SLCO1C1: variants seen among roughly 807,000 people sequenced by gnomAD.
SLCO1C1 encodes the protein OAT-RP-5.
In SLCO1C1, 70 loss-of-function variants were observed where a neutral mutation model predicts 76.4. The observed-to-expected ratio is 0.92, with a 90% CI of 0.76 to 1.12. The LOEUF (loss-of-function observed/expected upper bound fraction) is 1.12. SLCO1C1 is among the 50% of genes most tolerant of loss of function. The pLI, the probability that SLCO1C1 is intolerant of heterozygous loss-of-function variation, is 0.00. For synonymous variants in SLCO1C1, 306 were observed against 286.1 expected (o/e 1.07, Z -0.70); for missense variants, 912 against 823.8 (o/e 1.11, Z -1.31).
At chr12:20,713,518 G>T (rs954734839) in intron 5 of SLCO1C1, among the ~76,000 whole-genome samples, 1 of 152,180 alleles carries the variant, frequency 6.6e-6, no homozygotes, top group African/African-American at 2.4e-5. Context: ...CAGATACAGA[G>T]AATGACTCAT....
At chr12:20,726,673 C>A (rs560860194) in intron 9 of SLCO1C1, among the ~76,000 whole-genome samples, 4 of 151,662 alleles carry the variant, frequency 2.6e-5, no homozygotes, top group African/African-American at 7.3e-5. Context: ...TTCATTTTTT[C>A]TTTTGTCTTT....
chr12:20,728,221 C>A (rs1037248563), intron 9 of SLCO1C1, among the ~76,000 whole-genome samples: 3 of 152,056 alleles, frequency 2.0e-5, no homozygotes, highest in Non-Finnish European at 2.9e-5. Flanking sequence ...CAGTTTCATT[C>A]TTTTGCATAT....
At chr12:20,743,419 T>A in intron 13 of SLCO1C1, 50 bp downstream of exon 13, 1 of 1,428,572 alleles carries the variant, frequency 7.0e-7, no homozygotes, top group Non-Finnish European at 9.8e-7. Flanking sequence ...AAGTGTATTT[T>A]GAAGACTTTT....
chr12:20,713,772 G>A (rs772450453), intron 5 of SLCO1C1, among the ~76,000 whole-genome samples: 1 of 152,068 alleles, frequency 6.6e-6, no homozygotes, highest in Non-Finnish European at 1.5e-5. Flanking sequence ...GTGACTATTG[G>A]GTATTTGAAA....
chr12:20,752,098 G>T (rs1565553863), intron 14 of SLCO1C1, among the ~76,000 whole-genome samples: 1 of 152,102 alleles, frequency 6.6e-6, no homozygotes, highest in Non-Finnish European at 1.5e-5. Context: ...GTAATTAGTA[G>T]TAACTAAAAA....
intron 7 of SLCO1C1, among the ~76,000 whole-genome samples, chr12:20,721,438 T>A (rs774098305): frequency 2.6e-5 from 4 of 152,146 alleles, no homozygotes; most frequent in Non-Finnish European, 5.9e-5. Flanking sequence ...CTCAGATGAT[T>A]ATTAGCATTT....
chr12:20,742,628 G>A (rs1401228515), intron 12 of SLCO1C1, among the ~76,000 whole-genome samples: 2 of 152,014 alleles, frequency 1.3e-5, no homozygotes. Context: ...CCGCCTCTCG[G>A]GTTCACGCCA....
At chr12:20,734,617 G>A (rs895890664) in intron 10 of SLCO1C1, among the ~76,000 whole-genome samples, 3 of 152,282 alleles carry the variant, frequency 2.0e-5, no homozygotes, top group South Asian at 2.1e-4. Context: ...GAACACAGGC[G>A]TGACTCAAAG....
intron 14 of SLCO1C1, 118 bp from the exon 15 acceptor site, chr12:20,752,187 AT>A (rs1949337943): frequency 1.5e-6 from 1 of 652,104 alleles, no homozygotes; most frequent in Admixed American, 3.3e-5. Flanking sequence ...ACAGTCTTTT[AT>A]ATAAGCCACC....
At chr12:20,720,520 G>A (rs144348535) in intron 7 of SLCO1C1, among the ~76,000 whole-genome samples, 49 of 152,306 alleles carry the variant, frequency 3.2e-4, no homozygotes, top group African/African-American at 1.1e-3. Flanking sequence ...GCAATTCATA[G>A]GAGGAGGTCA....
chr12:20,752,302 C>T lies in SLCO1C1; in HGVS notation c.1917-4C>T. On this transcript the variant is annotated splice_polypyrimidine_tract_variant and splice_region_variant and intron_variant, in intron 14 of 14. Coordinates refer to ENST00000266509, the MANE Select transcript of SLCO1C1 (RefSeq NM_017435.5). Reference sequence around the variant, plus strand: ...ATTATAACAGAGATTCTCTCTTCTTCTAGACATATATATCTGGGACTAACT... The same window carrying T: ...ATTATAACAGAGATTCTCTCTTCTTTTAGACATATATATCTGGGACTAACT... 2 of 1,539,214 alleles carry T rather than the reference C, an allele frequency of 1.3e-6. No homozygotes were observed. The highest frequency in any genetic ancestry group is 1.8e-6 in the Non-Finnish European group (2 of 1,135,128).
chr12:20,701,391 C>T lies in SLCO1C1; in HGVS notation c.203C>T (p.Thr68Ile). 6.4e-7 allele frequency: 1 copy of T among 1,556,596 alleles called. No individual in the cohort carries two copies. The highest frequency in any genetic ancestry group is 1.2e-5 in the South Asian group (1 of 84,766). The change falls in exon 3 of 15, where the codon ACT becomes ATT. Residue 68 changes from threonine (T) to isoleucine (I), a missense_variant. Thr to Ile is a moderately conservative substitution (Grantham distance 89, BLOSUM62 -1). Transcript: ENST00000266509. Reference protein sequence around the residue: ...LAEGYLKSTITQIERRFDIPS... With the variant: ...LAEGYLKSTIIQIERRFDIPS... ...GAAGGCTATCTGAAGAGCACCATCACTCAGATAGAGAGAAGGTTTGATATC... is the reference window on the plus strand; with the variant it reads ...GAAGGCTATCTGAAGAGCACCATCATTCAGATAGAGAGAAGGTTTGATATC...
intron 4 of SLCO1C1, 73 bp downstream of exon 4, chr12:20,706,154 A>G: frequency 6.7e-7 from 1 of 1,493,036 alleles, no homozygotes; most frequent in South Asian, 1.4e-5. Context: ...ATGATTATTA[A>G]TTATGCAAAT....
intron 2 of SLCO1C1, among the ~76,000 whole-genome samples, chr12:20,700,844 A>C (rs1482755522): frequency 3.9e-5 from 6 of 152,092 alleles, no homozygotes; most frequent in African/African-American, 1.2e-4. Flanking sequence ...ACAAGGAATA[A>C]TAGTTGCACT....
chr12:20,744,302 G>A (rs1436824243), intron 13 of SLCO1C1, among the ~76,000 whole-genome samples: 1 of 151,998 alleles, frequency 6.6e-6, no homozygotes, highest in Non-Finnish European at 1.5e-5. Flanking sequence ...AGCCTACAGA[G>A]CAAAAATTGT....
intron 5 of SLCO1C1, among the ~76,000 whole-genome samples, chr12:20,713,691 C>G (rs949736203): frequency 1.3e-5 from 2 of 152,228 alleles, no homozygotes; most frequent in African/African-American, 2.4e-5. Flanking sequence ...GCAGAGCTGT[C>G]CACAGAACTA....
At chr12:20,734,045 C>T (rs1200994975) in intron 10 of SLCO1C1, among the ~76,000 whole-genome samples, 1 of 152,184 alleles carries the variant, frequency 6.6e-6, no homozygotes, top group Non-Finnish European at 1.5e-5. Context: ...GAAACTCTGC[C>T]TGTGGCTCAA....
chr12:20,745,306 C>T (rs1948990854), intron 13 of SLCO1C1, among the ~76,000 whole-genome samples: 1 of 151,948 alleles, frequency 6.6e-6, no homozygotes. Flanking sequence ...TTAACATAAG[C>T]ATACATTGGT....
At chr12:20,731,651 A>G (rs1181450595) in intron 9 of SLCO1C1, among the ~76,000 whole-genome samples, 1 of 152,244 alleles carries the variant, frequency 6.6e-6, no homozygotes, top group Non-Finnish European at 1.5e-5. Flanking sequence ...AATGATTGAT[A>G]GGTAGACAAT....
Sources: allele counts gnomAD v4.1 joint callset (sites outside exome capture counted in the v4.1 genomes callset), GRCh38; gene constraint gnomAD v4.1.1; transcripts MANE v1.5; gene names NCBI Gene and HGNC (gene_info 2026-07-23, HGNC 2026-07-21).